The following ACSL6 variants were observed in gnomAD, a reference collection of about 807,000 sequenced individuals.
ACSL6 encodes the protein long-chain-fatty-acid--CoA ligase 6.
In ACSL6, 47 loss-of-function variants were observed where a neutral mutation model predicts 98.2. The ratio of observed to expected loss-of-function variants is 0.48; its 90% confidence interval spans 0.38 to 0.61. The LOEUF is 0.61. ACSL6 is among the 20% of genes least tolerant of loss of function. The probability of loss-of-function intolerance (pLI) is 0.00; values close to 1 mark genes in which losing one functional copy is unlikely to be tolerated. For missense variants in ACSL6, 761 were observed against 913.4 expected (o/e 0.83, Z 2.15); for synonymous variants, 362 against 336.9 (o/e 1.07, Z -0.82).
chr5:131,950,375 G>A lies in ACSL6; in HGVS notation c.*3859C>T, dbSNP rs114993497. ...CTAACTGAAGAGTTTCTCATTTGGGGTATTGACCTTACTTGAATGCTAACC... is the reference window on the plus strand; with the variant it reads ...CTAACTGAAGAGTTTCTCATTTGGGATATTGACCTTACTTGAATGCTAACC... On this transcript the variant is annotated 3_prime_UTR_variant, in exon 21 of 21. Transcript: ENST00000651883. The A allele has an allele frequency of 0.014, 2,924 of 204,132 alleles. 31 individuals are homozygous for A. Among genetic ancestry groups the A allele is most frequent in the Non-Finnish European group, 0.022 (2,168 of 99,562 alleles). 12.6% of individuals were successfully genotyped at this position (204,132 alleles called of 1,614,324 possible). A position where few individuals can be genotyped will look rare whatever the true frequency, so the allele number is the denominator to read the frequency against.
At chr5:131,994,792 A>C in intron 1 of ACSL6, 1 of 171,600 alleles carries the variant, frequency 5.8e-6, no homozygotes, top group East Asian at 1.5e-4. Flanking sequence ...CAGGGCAAAG[A>C]CCGCAGATCA....
chr5:131,959,042 A>G (rs1456350935), intron 20 of ACSL6, among the ~76,000 whole-genome samples: 1 of 152,080 alleles, frequency 6.6e-6, no homozygotes, highest in Non-Finnish European at 1.5e-5. Context: ...GAAAAAAAAA[A>G]AAGTCTTGGA....
intron 1 of ACSL6, among the ~76,000 whole-genome samples, chr5:131,998,418 C>T (rs1754899363): frequency 6.6e-6 from 1 of 152,202 alleles, no homozygotes; most frequent in Admixed American, 6.5e-5. Flanking sequence ...GAAACTGGAA[C>T]TTCCTCCCAC....
At chr5:131,972,089 G>A (rs949511265) in intron 13 of ACSL6, among the ~76,000 whole-genome samples, 13 of 152,044 alleles carry the variant, frequency 8.6e-5, no homozygotes, top group Non-Finnish European at 1.5e-4. Context: ...ACTATGTACT[G>A]CTGAGGACGA....
upstream of ACSL6, chr5:132,011,803 G>C: frequency 7.0e-7 from 1 of 1,427,634 alleles, no homozygotes; most frequent in Middle Eastern, 2.6e-4. The surrounding 1 kb of genome is among the most constrained non-coding windows in gnomAD (Gnocchi z 5.4). Flanking sequence ...CCGGGTCTGG[G>C]GCTTGCCCCG....
intron 1 of ACSL6, among the ~76,000 whole-genome samples, chr5:132,006,089 A>G (rs144845765): frequency 1.3e-4 from 20 of 152,344 alleles, no homozygotes; most frequent in Non-Finnish European, 1.9e-4. Context: ...ATGGCAAATC[A>G]GAAGCCATTC....
chr5:131,970,872 G>T (rs1382238265), intron 14 of ACSL6, among the ~76,000 whole-genome samples: 1 of 152,104 alleles, frequency 6.6e-6, no homozygotes, highest in African/African-American at 2.4e-5. Flanking sequence ...CCCCTCCAGA[G>T]CCCCACCTGT....
Position 131,989,436 on chromosome 5 carries a change from TA to T in ACSL6, c.522del (p.Phe174LeufsTer50). 4 of 1,613,930 alleles carry T rather than the reference TA, an allele frequency of 2.5e-6. No homozygotes were observed. The highest frequency in any genetic ancestry group is 2.5e-6 in the Non-Finnish European group (3 of 1,179,950). On this transcript the variant is annotated frameshift_variant, in exon 5 of 21. Transcript: ENST00000651883. LOFTEE classifies it high-confidence loss of function. ...QHNCKACTDQ[F>X]IGVFAQNRPE... The stretch of plus-strand genomic sequence containing the variant: ...GGCCGATTTTGTGCAAAAACACCAA[TA>T]AACTGATCAGTGCATGCTTTACAAT...
intron 20 of ACSL6, among the ~76,000 whole-genome samples, chr5:131,957,096 T>G (rs1244768647): frequency 6.6e-6 from 1 of 152,230 alleles, no homozygotes; most frequent in Non-Finnish European, 1.5e-5. Context: ...TTTAAGTTTT[T>G]CAGTGGTCTT....
Position 131,953,682 on chromosome 5 carries a change from A to G in ACSL6, c.*552T>C, listed in dbSNP as rs1368080852. The stretch of plus-strand genomic sequence containing the variant: ...TAAAAATCAGAGAGAAAATTTTCAC[A>G]TATGACAATGTGGATTGTCATGTTT... On this transcript the variant is annotated 3_prime_UTR_variant, in exon 21 of 21. Coordinates refer to ENST00000651883, the MANE Select transcript of ACSL6 (RefSeq NM_001009185.3). The G allele has an allele frequency of 5.2e-6, 1 of 190,782 alleles. No homozygotes were observed. The highest frequency in any genetic ancestry group is 1.1e-5 in the Non-Finnish European group (1 of 90,748). 11.8% of individuals were successfully genotyped at this position (190,782 alleles called of 1,614,324 possible).
chr5:131,987,570 C>G (rs1305950927), intron 7 of ACSL6, among the ~76,000 whole-genome samples: 2 of 152,194 alleles, frequency 1.3e-5, no homozygotes, highest in African/African-American at 4.8e-5. Context: ...TCCTGTGTCA[C>G]CCCAGCAGAC....
intron 9 of ACSL6, among the ~76,000 whole-genome samples, chr5:131,980,310 A>T (rs1019493893): frequency 9.9e-5 from 15 of 152,164 alleles, no homozygotes; most frequent in Non-Finnish European, 2.2e-4. Flanking sequence ...ACCAATTTTT[A>T]AAAAATCAGA....
At chr5:131,988,993 C>G (rs1195161517) in intron 5 of ACSL6, 89 bp from the exon 6 acceptor site, 3 of 1,188,098 alleles carry the variant, frequency 2.5e-6, no homozygotes, top group East Asian at 2.4e-5. Flanking sequence ...CGTCCCTGCT[C>G]TAAGCCCTAT....
chr5:131,988,643 T>TGACTCAGGAAGCC (rs1754330886), intron 6 of ACSL6, 162 bp downstream of exon 6: 10 of 1,612,476 alleles, frequency 6.2e-6, no homozygotes, highest in Non-Finnish European at 8.5e-6. Flanking sequence ...AGGGACAGCT[T>TGACTCAGGAAGCC]GACTCAGGAA....
rs1006310628 is a variant in ACSL6 at position 131,976,005 on chromosome 5, T to C, written c.990+643A>G. On this transcript the variant is annotated intron_variant, in intron 10 of 20. Coordinates refer to ENST00000651883, the MANE Select transcript of ACSL6 (RefSeq NM_001009185.3). ...ATCTACCATGAATGTGGAGTGTGAC[T>C]TTCTCCACAGTGAAGAAAAAGCCAA... 7.1e-6 allele frequency: 7 copies of C among 985,366 alleles called. No individual in the cohort carries two copies. The African/African-American group carries it at 1.2e-4, about 17-fold the overall frequency. 61.0% of individuals were successfully genotyped at this position (985,366 alleles called of 1,614,324 possible).
rs1248062846 is a variant in ACSL6, at chr5:131,973,187, T to A, written c.1203+79A>T. On this transcript the variant is annotated intron_variant, in intron 12 of 20. Transcript: ENST00000651883. ...CTTGGCAGTGGAGGCACTGAAAGCC[T>A]GCCTGGGGCTCCAGACCCTGTCCAA... 2.6e-6 allele frequency: 4 copies of A among 1,541,608 alleles called. No individual in the cohort carries two copies. The Admixed American group carries it at 5.8e-5, about 22-fold the overall frequency.
chr5:131,965,797 T>C (rs918951450), intron 17 of ACSL6, among the ~76,000 whole-genome samples: 1 of 152,148 alleles, frequency 6.6e-6, no homozygotes, highest in South Asian at 2.1e-4. Flanking sequence ...AACACTGTGA[T>C]CCCTATTTTA....
rs1752102390 is a variant in ACSL6 at position 131,950,509 on chromosome 5, TA to T, written c.*3724del. 4.9e-6 allele frequency: 1 copy of T among 203,460 alleles called. No homozygotes were observed. Among genetic ancestry groups the T allele is most frequent in the South Asian group, 1.9e-4 (1 of 5,268 alleles). The allele number at this position is 203,460 out of a possible 1,614,324, so 12.6% of individuals were successfully genotyped here. ...TTTTCTTTTCATGTAAATGCTTCCT[TA>T]AAATTAAAACCGGCAAGGAAATACA... On this transcript the variant is annotated 3_prime_UTR_variant, in exon 21 of 21. Coordinates refer to ENST00000651883, the MANE Select transcript of ACSL6 (RefSeq NM_001009185.3).
chr5:131,984,375 T>C (rs1754058147), intron 9 of ACSL6: 1 of 152,196 alleles, frequency 6.6e-6, no homozygotes, highest in Non-Finnish European at 1.5e-5. Flanking sequence ...CTGAGAGCTG[T>C]CATCAAGATG....
Sources: allele counts gnomAD v4.1 joint callset (sites outside exome capture counted in the v4.1 genomes callset), GRCh38; gene constraint gnomAD v4.1.1; non-coding constraint Gnocchi (gnomAD v3.1); transcripts MANE v1.5; gene names NCBI Gene and HGNC (gene_info 2026-07-23, HGNC 2026-07-21).